SEC16A: variants seen among roughly 807,000 people sequenced by gnomAD.
The protein encoded by SEC16A is protein transport protein Sec16A.
A neutral mutation model predicts 221.9 loss-of-function variants in SEC16A; 110 were observed. The ratio of observed to expected loss-of-function variants is 0.50; its 90% confidence interval spans 0.42 to 0.58. The LOEUF is 0.58. Among genes scored for constraint, SEC16A ranks in the 20% least tolerant of loss-of-function variants. The pLI, the probability that SEC16A is intolerant of heterozygous loss-of-function variation, is 0.00. For missense variants in SEC16A, 3,165 were observed against 3,097.8 expected (o/e 1.02, Z -0.52); for synonymous variants, 1,393 against 1,257.7 (o/e 1.11, Z -2.28).
At chr9:136,454,642 T>G (rs1838353612) in intron 20 of SEC16A, among the ~76,000 whole-genome samples, 2 of 151,666 alleles carry the variant, frequency 1.3e-5, no homozygotes, top group South Asian at 4.2e-4. Flanking sequence ...TAGGCCCGAG[T>G]CCCCTCCTCC....
intron 3 of SEC16A, 136 bp downstream of exon 3, chr9:136,473,913 T>C (rs576321387): frequency 6.4e-6 from 6 of 937,618 alleles, no homozygotes; most frequent in African/African-American, 5.0e-5. Context: ...ACTGGAATAC[T>C]GTTCTCACGC....
chr9:136,459,955 C>G lies in SEC16A; in HGVS notation c.5074-81G>C. The G allele has an allele frequency of 6.5e-7, 1 of 1,532,154 alleles. No homozygotes were observed. Among genetic ancestry groups the G allele is most frequent in the South Asian group, 1.2e-5 (1 of 85,602 alleles). The allele number at this position is 1,532,154 out of a possible 1,614,324, so 94.9% of individuals were successfully genotyped here. ...ATTCCACACAGCTGGGCTCACCAGGCACCTCACGGCCTGTGACAGCGTCAC... is the reference window on the plus strand; with the variant it reads ...ATTCCACACAGCTGGGCTCACCAGGGACCTCACGGCCTGTGACAGCGTCAC... On this transcript the variant is annotated intron_variant, in intron 14 of 31. Transcript: ENST00000684901. This position sits in a 1 kb window ranked among gnomAD's most constrained non-coding sequence, Gnocchi z 6.1.
intron 3 of SEC16A, 30 bp from the exon 4 acceptor site, chr9:136,472,141 G>C (rs768605572): frequency 5.6e-6 from 9 of 1,611,884 alleles, no homozygotes; most frequent in Non-Finnish European, 7.6e-6. Flanking sequence ...GGCAGGATTA[G>C]ACACCAATCA....
chr9:136,451,240 G>A lies in SEC16A; in HGVS notation c.6312+16C>T, dbSNP rs1008943066. The A allele has an allele frequency of 4.4e-6, 7 of 1,606,922 alleles. No homozygotes were observed. Among genetic ancestry groups the A allele is most frequent in the Non-Finnish European group, 5.9e-6 (7 of 1,176,650 alleles). ...CCCTCCCGGCCGCCAGGCGCACCGT[G>A]GGCAGGCTGTACTACCTTCTTAGGT... is the stretch of plus-strand genomic sequence containing the variant. On this transcript the variant is annotated intron_variant, in intron 23 of 31. Coordinates refer to ENST00000684901, the MANE Select transcript of SEC16A (RefSeq NM_014866.2).
intron 21 of SEC16A, 150 bp from the exon 22 acceptor site, chr9:136,453,660 ATG>A: frequency 1.5e-6 from 1 of 649,246 alleles, no homozygotes; most frequent in East Asian, 2.7e-5. Flanking sequence ...ATCTTCCCAC[ATG>A]TGTGCACACT....
chr9:136,443,767 G>A, intron 31 of SEC16A, 56 bp downstream of exon 31: 1 of 1,286,996 alleles, frequency 7.8e-7, no homozygotes, highest in Non-Finnish European at 1.1e-6. Context: ...GAGCAGCAGG[G>A]TCAGGTCGTC....
chr9:136,474,184 C>A lies in SEC16A; in HGVS notation c.3432G>T (p.Val1144=). 1.1e-5 allele frequency: 17 copies of A among 1,612,772 alleles called. No individual in the cohort carries two copies. Among genetic ancestry groups the A allele is most frequent in the Non-Finnish European group, 1.4e-5 (16 of 1,179,762 alleles). ...GCGGTGGGCCGGGGGCAAGTGCAGGCACTGGCTGTGGCCACGGCTGCTCTG... is the reference window on the plus strand; with the variant it reads ...GCGGTGGGCCGGGGGCAAGTGCAGGAACTGGCTGTGGCCACGGCTGCTCTG... ...VPSEQPWPQP[V]PALAPGPPPQ... The change falls in exon 3 of 32, where the codon GTG becomes GTT. Residue 1144 remains valine (V), a synonymous_variant. Transcript: ENST00000684901.
rs1842601073 is a variant in SEC16A at position 136,482,948 on chromosome 9, G to C, written c.-202C>G. ...CGCTCGCCCCCTCACCCGCGCGGCT[G>C]AGACCGATCCCTCAGGAGCCGCGGG... is the stretch of plus-strand genomic sequence containing the variant. On this transcript the variant is annotated 5_prime_UTR_variant, in exon 1 of 32. Coordinates refer to ENST00000684901, the MANE Select transcript of SEC16A (RefSeq NM_014866.2). 2 of 984,302 alleles carry C rather than the reference G, an allele frequency of 2.0e-6. No homozygotes were observed. The highest frequency in any genetic ancestry group is 2.4e-6 in the Non-Finnish European group (2 of 829,122). The allele number at this position is 984,302 out of a possible 1,614,324, so 61.0% of individuals were successfully genotyped here.
chr9:136,470,488 G>A (rs35526483), intron 4 of SEC16A, among the ~76,000 whole-genome samples: 30,436 of 152,222 alleles, frequency 0.2, 3,514 homozygotes, highest in Non-Finnish European at 0.27. Flanking sequence ...ACCCGGAGCT[G>A]GAAGGCTTTG....
rs146502655 is a variant in SEC16A, at chr9:136,443,724, A to G, written c.7005+99T>C. 3.1e-5 allele frequency: 24 copies of G among 781,204 alleles called. No individual in the cohort carries two copies. In the African/African-American group the frequency reaches 3.3e-4, roughly 11 times the overall value. 48.4% of individuals were successfully genotyped at this position (781,204 alleles called of 1,614,324 possible). On this transcript the variant is annotated intron_variant, in intron 31 of 31. Transcript: ENST00000684901. ...AAATATATTTTTTAAAAAGAAAGAA[A>G]AAGAGGATCTAGGGCAGAAAGCTGC...
At position 136,474,280 on chromosome 9, in the gene SEC16A, C is replaced by T; in HGVS notation, c.3336G>A (p.Leu1112=). 2 of 1,607,932 alleles carry T rather than the reference C, an allele frequency of 1.2e-6. No homozygotes were observed. The highest frequency in any genetic ancestry group is 1.7e-6 in the Non-Finnish European group (2 of 1,177,456). Residue 1112 remains leucine (L), a synonymous_variant, in exon 3 of 32, where the codon CTG becomes CTA. Coordinates refer to ENST00000684901, the MANE Select transcript of SEC16A (RefSeq NM_014866.2). ...SLVLVDAGQQ[L]PPRPPQSSSV... is the part of the protein sequence containing the mutation. ...TAGAGGACTGAGGAGGCCGAGGGGG[C>T]AGCTGCTGACCCGCGTCGACCAGAA...
In SEC16A at chr9:136,447,308, C is replaced by T. The variant is rs781275551; in HGVS notation, c.6616G>A (p.Glu2206Lys). 288 of 1,593,838 alleles carry T rather than the reference C, an allele frequency of 1.8e-4. 2 individuals carry two copies. The East Asian group carries it at 2.8e-3, about 16-fold the overall frequency. ...VLNPSGTQRSEPALAPADFVA... is the reference protein window; with the variant it reads ...VLNPSGTQRSKPALAPADFVA... ...AAGTCCGCAGGAGCGAGAGCCGGCT[C>T]GCTCCGCTGGGTCCCGCTTGGGTTC... The change falls in exon 27 of 32, where the codon GAG becomes AAG. Residue 2206 changes from glutamate to lysine, a missense_variant. Glu to Lys is a moderately conservative substitution (Grantham distance 56, BLOSUM62 1). Around this residue, in one of 3 missense-constraint regions of SEC16A, gnomAD observed 1,088 missense variants for 1,089.6 expected, o/e 1.00. Transcript: ENST00000684901. This position sits in a 1 kb window ranked among gnomAD's most constrained non-coding sequence, Gnocchi z 5.5.
upstream of SEC16A, chr9:136,483,452 CG>C: frequency 5.4e-6 from 4 of 746,286 alleles, no homozygotes; most frequent in Non-Finnish European, 6.5e-6. Flanking sequence ...CCCCGCCCCT[CG>C]GCCGTCCTTC....
rs532577772 is a variant in SEC16A at position 136,471,605 on chromosome 9, T to C, written c.3704+370A>G. ...TCCGGAGACCGGTGAAAAGCTGCCG[T>C]GTCTCTGGGGAGCCTGAACACCCCA... On this transcript the variant is annotated intron_variant, in intron 4 of 31. Coordinates refer to ENST00000684901, the MANE Select transcript of SEC16A (RefSeq NM_014866.2). Among the ~76,000 whole-genome samples, 305 of 152,320 alleles carry C rather than the reference T, an allele frequency of 2.0e-3. 1 individual carries two copies. The highest frequency in any genetic ancestry group is 6.7e-3 in the African/African-American group (280 of 41,568).
chr9:136,470,314 C>T (rs1352472766), intron 4 of SEC16A, among the ~76,000 whole-genome samples: 5 of 152,206 alleles, frequency 3.3e-5, no homozygotes, highest in African/African-American at 4.8e-5. Flanking sequence ...AGGCCTTCTC[C>T]GTAGCACGAG....
Position 136,474,977 on chromosome 9 carries a change from C to T in SEC16A, c.2639G>A (p.Gly880Glu). Residue 880 changes from glycine (G) to glutamate (E), a missense_variant, in exon 3 of 32, where the codon GGG (glycine) becomes GAG (glutamate). Gly to Glu is a moderately conservative substitution (Grantham distance 98, BLOSUM62 -2). Coordinates refer to ENST00000684901, the MANE Select transcript of SEC16A (RefSeq NM_014866.2). ...AATCCCAGACAAAGAAGTGTTCTCC[C>T]CAGAATCACCACCGAGAGCCCAACT... ...VSSWALGGDS[G>E]ENTSLSGIPT... 6.3e-7 allele frequency: 1 copy of T among 1,594,762 alleles called. No individual in the cohort carries two copies. Among genetic ancestry groups the T allele is most frequent in the Non-Finnish European group, 8.5e-7 (1 of 1,169,758 alleles).
In SEC16A at chr9:136,440,220, C is replaced by T. The variant is rs1197005754; in HGVS notation, c.*1535G>A. ...TTGAATCAAAAGTCGTGGCAGTCGA[C>T]CCCAGAACAGCGGGCAGAGCCGACC... On this transcript the variant is annotated 3_prime_UTR_variant, in exon 32 of 32. Coordinates refer to ENST00000684901, the MANE Select transcript of SEC16A (RefSeq NM_014866.2). 1 of 152,384 alleles carries T rather than the reference C, an allele frequency of 6.6e-6. No homozygotes were observed. The highest frequency in any genetic ancestry group is 2.4e-5 in the African/African-American group (1 of 41,468). 9.4% of individuals were successfully genotyped at this position (152,384 alleles called of 1,614,324 possible).
At chr9:136,472,754 C>T (rs767594118) in intron 3 of SEC16A, among the ~76,000 whole-genome samples, 7 of 152,242 alleles carry the variant, frequency 4.6e-5, no homozygotes, top group Non-Finnish European at 7.3e-5. Flanking sequence ...CCAGAATTCA[C>T]GCTTAAGCGC....
intron 31 of SEC16A, 105 bp downstream of exon 31, chr9:136,443,718 A>G: frequency 1.3e-6 from 1 of 752,748 alleles, no homozygotes; most frequent in Non-Finnish European, 2.2e-6. Flanking sequence ...TTTTAAAAAG[A>G]AAGAAAAAGA....
Sources: gnomAD v4.1 joint callset for allele counts (sites outside exome capture counted in the v4.1 genomes callset) on GRCh38, gnomAD v4.1.1 for gene constraint, gnomAD v4.1.1 regional missense constraint, Gnocchi (gnomAD v3.1) non-coding constraint, MANE v1.5 for transcripts, NCBI Gene and HGNC (gene_info 2026-07-23, HGNC 2026-07-21) for gene names.